MYO19: variants seen among roughly 807,000 people sequenced by gnomAD.
MYO19 encodes the protein myosin XIX, also known as unconventional myosin-XIX.
A neutral mutation model predicts 129.2 loss-of-function variants in MYO19; 132 were observed. The ratio of observed to expected loss-of-function variants is 1.02; its 90% CI spans 0.89 to 1.18. MYO19 has a LOEUF of 1.18. MYO19 is among the 50% of genes most tolerant of loss of function. MYO19 has a pLI of 0.00. For synonymous variants in MYO19, 531 were observed against 477.2 expected (o/e 1.11, Z -1.47); for missense variants, 1,210 against 1,216.7 (o/e 0.99, Z 0.08).
At chr17:36,537,947 G>T (rs376168486), upstream of MYO19, 12 of 1,614,080 alleles carry the variant, frequency 7.4e-6, no homozygotes, top group South Asian at 1.3e-4. Flanking sequence ...CCTCACTGAA[G>T]AGGTTAATAT....
upstream of MYO19, chr17:36,535,082 A>G (rs1458191168): frequency 6.6e-6 from 1 of 152,282 alleles, no homozygotes; most frequent in African/African-American, 2.4e-5. Context: ...CCTGGGGTAA[A>G]ATGAGGGTAA....
chr17:36,517,944 T>C (rs1035985320), intron 6 of MYO19, among the ~76,000 whole-genome samples: 8 of 151,974 alleles, frequency 5.3e-5, no homozygotes, highest in Non-Finnish European at 1.0e-4. Context: ...ACAAAACTTA[T>C]CTGGGTGTCA....
At chr17:36,521,840 G>A (rs554707031) in intron 6 of MYO19, among the ~76,000 whole-genome samples, 190 of 151,916 alleles carry the variant, frequency 1.3e-3, no homozygotes, top group African/African-American at 4.5e-3. Context: ...AGATCATCTT[G>A]GCCAACATGG....
At chr17:36,497,538 C>G (rs564950763) in intron 25 of MYO19, 1 of 984,614 alleles carries the variant, frequency 1.0e-6, no homozygotes, top group African/African-American at 1.7e-5. Flanking sequence ...TGCTATGTCT[C>G]GTGAATTTTT....
chr17:36,528,199 T>C lies in MYO19; in HGVS notation c.16A>G (p.Asn6Asp), dbSNP rs751360256. The C allele has an allele frequency of 6.3e-6, 10 of 1,574,970 alleles. No homozygotes were observed. In the East Asian group the frequency reaches 2.1e-4, roughly 33 times the overall value. Residue 6 changes from asparagine (N) to aspartate (D), a missense_variant, in exon 4 of 26, where the codon AAT becomes GAT. Coordinates refer to ENST00000614623, the MANE Select transcript of MYO19 (RefSeq NM_001163735.2). ...CCATCAGACCCCGGATTGTGGCCAT[T>C]GACCTGGAAGAGATAACGTGAAGGT... MLQQVNGHNPGSDGQA... is the reference protein window; with the variant it reads MLQQVDGHNPGSDGQA...
intron 8 of MYO19, among the ~76,000 whole-genome samples, chr17:36,514,770 A>T (rs1219453806): frequency 6.6e-6 from 1 of 152,232 alleles, no homozygotes; most frequent in Non-Finnish European, 1.5e-5. Context: ...GCCTCTGCAC[A>T]TCACTTTGCT....
chr17:36,541,083 G>A (rs1204686034), intron 2 of MYO19, among the ~76,000 whole-genome samples: 1 of 152,048 alleles, frequency 6.6e-6, no homozygotes, highest in Admixed American at 6.5e-5. Flanking sequence ...GAGTAGCTGG[G>A]ACTACAGGTG....
At chr17:36,513,169 C>T (rs2072484518) in intron 11 of MYO19, 9 of 1,414,414 alleles carry the variant, frequency 6.4e-6, no homozygotes, top group Non-Finnish European at 8.3e-6. Flanking sequence ...CGGTACCTTG[C>T]TCTCTGCCCC....
chr17:36,537,122 G>A (rs771108238), upstream of MYO19: 76 of 1,593,588 alleles, frequency 4.8e-5, no homozygotes, highest in South Asian at 7.9e-4. Context: ...AGCAGATGAA[G>A]GAAGCTTTTG....
chr17:36,498,220 G>C (rs1284209555), intron 25 of MYO19, 46 bp downstream of exon 25: 2 of 1,576,078 alleles, frequency 1.3e-6, no homozygotes, highest in Non-Finnish European at 1.7e-6. Context: ...CTTTGCTCCT[G>C]CTGTTCTCAG....
In MYO19 at chr17:36,507,120, G is replaced by T; in HGVS notation, c.1487C>A (p.Pro496His). The T allele has an allele frequency of 6.2e-7, 1 of 1,604,380 alleles. No homozygotes were observed. Among genetic ancestry groups the T allele is most frequent in the Non-Finnish European group, 8.5e-7 (1 of 1,172,574 alleles). ...TGTCTGGAGCTGGGCTGCGCTGCTG[G>T]GTCGATTGAGGCGGCATTCCTGTGG... is the stretch of plus-strand genomic sequence containing the variant. ...LINEECRLNR[P>H]SSAAQLQTRI... The change falls in exon 17 of 26, where the codon CCC becomes CAC. Residue 496 changes from proline to histidine, a missense_variant. Physicochemically the swap from Pro to His is moderately conservative, Grantham distance 77 (BLOSUM62 -2). Transcript: ENST00000614623.
At chr17:36,528,335 C>CT in intron 3 of MYO19, 133 bp from the exon 4 acceptor site, 3 of 927,758 alleles carry the variant, frequency 3.2e-6, no homozygotes, top group Non-Finnish European at 4.7e-6. Context: ...GGTGAAACCC[C>CT]GTCTCTACTA....
At chr17:36,507,688 A>C (rs947781771) in intron 15 of MYO19, 115 bp downstream of exon 15, 2 of 1,339,108 alleles carry the variant, frequency 1.5e-6, no homozygotes, top group Admixed American at 5.3e-5. Flanking sequence ...TCAATTAAAA[A>C]TAAAATAAGA....
Position 36,495,851 on chromosome 17 carries a change from A to G in MYO19, c.*400T>C. The G allele has an allele frequency of 8.1e-7, 1 of 1,241,584 alleles. No individual in the cohort carries two copies. The highest frequency in any genetic ancestry group is 1.0e-6 in the Non-Finnish European group (1 of 993,592). 76.9% of individuals were successfully genotyped at this position (1,241,584 alleles called of 1,614,324 possible). On this transcript the variant is annotated 3_prime_UTR_variant, in exon 26 of 26. Transcript: ENST00000614623. ...TTGTTCCTTTTTAAAGGAAATAACC[A>G]CAAGATTTTTCCCAGCCCAAATTCC...
intron 3 of MYO19, among the ~76,000 whole-genome samples, chr17:36,528,530 A>G (rs977452645): frequency 3.3e-5 from 5 of 152,004 alleles, no homozygotes; most frequent in Admixed American, 2.0e-4. Flanking sequence ...AAAAACCAAA[A>G]AACATGAAGG....
chr17:36,525,159 G>A, intron 6 of MYO19, 69 bp downstream of exon 6: 3 of 1,179,958 alleles, frequency 2.5e-6, no homozygotes, highest in Middle Eastern at 2.0e-4. Flanking sequence ...GAAGGCCAAG[G>A]AATGACCCCT....
intron 2 of MYO19, among the ~76,000 whole-genome samples, chr17:36,541,586 G>A (rs78868652): frequency 0.048 from 7,358 of 152,220 alleles, 260 homozygotes; most frequent in East Asian, 0.11. Context: ...TTACAGCTCC[G>A]TCCCTCCAAC....
intron 13 of MYO19, chr17:36,509,663 T>C (rs2072178952): frequency 5.9e-6 from 1 of 169,790 alleles, no homozygotes; most frequent in Non-Finnish European, 1.3e-5. Flanking sequence ...AAGATGAGAC[T>C]ACCACACAAG....
chr17:36,501,445 G>A (rs1039128080), intron 21 of MYO19: 2 of 524,880 alleles, frequency 3.8e-6, no homozygotes, highest in Non-Finnish European at 6.6e-6. Flanking sequence ...TGGAGCCTTG[G>A]AATACCCACT....
Sources: allele counts gnomAD v4.1 joint callset (sites outside exome capture counted in the v4.1 genomes callset), GRCh38; gene constraint gnomAD v4.1.1; transcripts MANE v1.5; gene names NCBI Gene and HGNC (gene_info 2026-07-23, HGNC 2026-07-21).